Variants in CEMIP2 observed in about 807,000 individuals in gnomAD.
CEMIP2 encodes cell migration inducing hyaluronidase 2.
Under a neutral mutation model 146.9 loss-of-function variants are expected in CEMIP2, and 79 were observed. The ratio of observed to expected loss-of-function variants is 0.54; its 90% CI spans 0.45 to 0.65. The LOEUF is 0.65. Among genes scored for constraint, CEMIP2 ranks in the 30% least tolerant of loss-of-function variants. The pLI, the probability that CEMIP2 is intolerant of heterozygous loss-of-function variation, is 0.00. For synonymous variants in CEMIP2, 601 were observed against 606.3 expected (o/e 0.99, Z 0.13); for missense variants, 1,596 against 1,696.2 (o/e 0.94, Z 1.04).
chr9:71,714,545 A>C (rs1034142909), intron 15 of CEMIP2, among the ~76,000 whole-genome samples: 2 of 152,184 alleles, frequency 1.3e-5, no homozygotes, highest in African/African-American at 4.8e-5. Context: ...TCTGAAAACC[A>C]ACAACACACA....
At chr9:71,728,319 GTA>G (rs371027741) in intron 10 of CEMIP2, among the ~76,000 whole-genome samples, 1 of 32,986 alleles carries the variant, frequency 3.0e-5, no homozygotes, top group Non-Finnish European at 5.4e-5. Flanking sequence ...ATATATATAC[GTA>G]TATATATATA....
intron 20 of CEMIP2, among the ~76,000 whole-genome samples, chr9:71,696,633 T>G (rs550391197): frequency 8.5e-5 from 13 of 152,078 alleles, no homozygotes; most frequent in African/African-American, 3.1e-4. Context: ...TAGCCAGGTG[T>G]GGTCACATGC....
chr9:71,752,264 G>GT (rs1377815702), intron 1 of CEMIP2, among the ~76,000 whole-genome samples: 1 of 151,430 alleles, frequency 6.6e-6, no homozygotes, highest in Non-Finnish European at 1.5e-5. Context: ...AGGGTGCTAA[G>GT]TCTAAAAGGC....
chr9:71,728,193 T>TTCTCTCTCTCTCTCTCTCTCTC (rs369654117), intron 10 of CEMIP2, among the ~76,000 whole-genome samples: 4 of 29,614 alleles, frequency 1.4e-4, no homozygotes, highest in African/African-American at 5.6e-4. Context: ...CAGCGAAACC[T>TTCTCTCTCTCTCTCTCTCTCTC]TCTCTCTCTC....
At chr9:71,717,432 A>C (rs1823091196) in intron 13 of CEMIP2, among the ~76,000 whole-genome samples, 1 of 152,162 alleles carries the variant, frequency 6.6e-6, no homozygotes, top group African/African-American at 2.4e-5. Context: ...AGACTGTTGA[A>C]CACTAAATCT....
At chr9:71,695,593 G>A (rs536921889) in intron 20 of CEMIP2, among the ~76,000 whole-genome samples, 2 of 152,228 alleles carry the variant, frequency 1.3e-5, no homozygotes, top group African/African-American at 4.8e-5. Context: ...AGAATTGCTT[G>A]AGCCTGGGCG....
At position 71,730,831 on chromosome 9, in the gene CEMIP2, A is replaced by C; in HGVS notation, c.1647T>G (p.Val549=). 6.2e-7 allele frequency: 1 copy of C among 1,614,176 alleles called. No homozygotes were observed. Among genetic ancestry groups the C allele is most frequent in the East Asian group, 2.2e-5 (1 of 44,878 alleles). ...MGQQQMGRYP[V]HFHLCGDVDY... is the part of the protein sequence containing the mutation. Reference sequence around the variant, plus strand: ...CCACGTCACCACACAGGTGAAAATGAACAGGGTATCGCCCCATCTGCTGCT... The same window carrying C: ...CCACGTCACCACACAGGTGAAAATGCACAGGGTATCGCCCCATCTGCTGCT... Residue 549 remains valine (V), a synonymous_variant, in exon 8 of 24, where the codon GTT becomes GTG. Coordinates refer to ENST00000377044, the MANE Select transcript of CEMIP2 (RefSeq NM_013390.3).
intron 17 of CEMIP2, among the ~76,000 whole-genome samples, chr9:71,706,006 ATCCC>A (rs1822723425): frequency 2.6e-5 from 4 of 152,144 alleles, no homozygotes; most frequent in Middle Eastern, 6.8e-3. Flanking sequence ...AGGCAGGCAG[ATCCC>A]TGGCGGTCAG....
At chr9:71,756,200 T>C (rs1292917162) in intron 1 of CEMIP2, among the ~76,000 whole-genome samples, 1 of 144,652 alleles carries the variant, frequency 6.9e-6, no homozygotes, top group Non-Finnish European at 1.5e-5. Context: ...GCTAGATAGA[T>C]AGATAGATAG....
At chr9:71,691,259 T>C (rs1185347545) in intron 21 of CEMIP2, among the ~76,000 whole-genome samples, 1 of 151,838 alleles carries the variant, frequency 6.6e-6, no homozygotes, top group African/African-American at 2.4e-5. Context: ...AAACTCCATC[T>C]CTACTTAGAG....
At chr9:71,753,319 G>A (rs1824316167) in intron 1 of CEMIP2, among the ~76,000 whole-genome samples, 1 of 152,148 alleles carries the variant, frequency 6.6e-6, no homozygotes, top group African/African-American at 2.4e-5. Flanking sequence ...GTCTCCAGAT[G>A]TGCCCACAAT....
intron 21 of CEMIP2, among the ~76,000 whole-genome samples, chr9:71,692,331 TCCCCATCTCTCTCTCTCTCTCTCTCTACC>T (rs1221735497): frequency 2.7e-5 from 3 of 111,126 alleles, no homozygotes; most frequent in East Asian, 2.7e-4. Flanking sequence ...CAAAACGCTC[TCCCCATCTCTCTCTCTCTCTCTCTCTACC>T]CCCCATCTCT....
chr9:71,750,156 C>A lies in CEMIP2; in HGVS notation c.218G>T (p.Ser73Ile), dbSNP rs746092999. ...ATTTTTGTGTCTCTTTTGCTTTTGACTTTCTCTCTGGGCTTGCTGTTCTTC... is the reference window on the plus strand; with the variant it reads ...ATTTTTGTGTCTCTTTTGCTTTTGAATTTCTCTCTGGGCTTGCTGTTCTTC... Reference protein sequence around the residue: ...SPEEQQAQRESQKQKRHKNTF... With the variant: ...SPEEQQAQREIQKQKRHKNTF... Residue 73 changes from serine to isoleucine, a missense_variant, in exon 2 of 24, where the codon AGT becomes ATT. Ser to Ile is a moderately radical substitution (Grantham distance 142). Transcript: ENST00000377044. The A allele has an allele frequency of 5.0e-6, 8 of 1,613,980 alleles. No homozygotes were observed. The Admixed American group carries it at 1.2e-4, about 24-fold the overall frequency.
chr9:71,730,007 A>C (rs1823567202), intron 9 of CEMIP2, 41 bp downstream of exon 9: 1 of 1,612,728 alleles, frequency 6.2e-7, no homozygotes, highest in Admixed American at 1.7e-5. Context: ...CAAAAGTCAA[A>C]GGCCCTGACT....
chr9:71,702,613 G>A (rs774973646), intron 18 of CEMIP2, among the ~76,000 whole-genome samples: 13 of 152,020 alleles, frequency 8.6e-5, no homozygotes, highest in Non-Finnish European at 1.9e-4. Flanking sequence ...TAATGAATAA[G>A]TACTGCCTTC....
intron 10 of CEMIP2, among the ~76,000 whole-genome samples, chr9:71,728,227 C>CTATA (rs1486826770): frequency 6.4e-4 from 12 of 18,712 alleles, no homozygotes; most frequent in African/African-American, 1.2e-3. Flanking sequence ...CTCTCTCTCT[C>CTATA]TCTCTATATA....
chr9:71,693,571 GT>G (rs1159631838), intron 21 of CEMIP2, among the ~76,000 whole-genome samples: 10 of 152,196 alleles, frequency 6.6e-5, no homozygotes, highest in African/African-American at 2.4e-4. Flanking sequence ...CTTATTTTAA[GT>G]TTCAAAGAAT....
intron 4 of CEMIP2, among the ~76,000 whole-genome samples, chr9:71,741,281 C>G (rs1390873344): frequency 6.8e-6 from 1 of 146,948 alleles, no homozygotes; most frequent in East Asian, 2.1e-4. Context: ...ACCGCAACCT[C>G]CTGCCTCCCA....
At chr9:71,694,485 A>G (rs1822335078) in intron 21 of CEMIP2, 24 bp downstream of exon 21, 1 of 1,574,546 alleles carries the variant, frequency 6.4e-7, no homozygotes, top group Admixed American at 1.7e-5. Context: ...AGAACAGACT[A>G]AGACAACACC....
Sources: gnomAD v4.1 joint callset for allele counts (sites outside exome capture counted in the v4.1 genomes callset) on GRCh38, gnomAD v4.1.1 for gene constraint, MANE v1.5 for transcripts, NCBI Gene and HGNC (gene_info 2026-07-23, HGNC 2026-07-21) for gene names.